The following KLF12 variants were observed in gnomAD, a reference collection of about 807,000 sequenced individuals.
The protein encoded by KLF12 is Krueppel-like factor 12.
KLF12 carries 9 observed loss-of-function variants against 37.8 expected under a neutral mutation model. That is an observed-to-expected ratio of 0.24 (90% CI 0.14 to 0.42). The LOEUF is 0.42. Ranked by LOEUF, KLF12 falls within the 10% of genes least tolerant of loss-of-function variation. KLF12 has a pLI of 1.00. For missense variants in KLF12, 411 were observed against 516.0 expected, an observed-to-expected ratio of 0.80 and a Z score of 1.97; for synonymous variants, 208 against 202.1, an observed-to-expected ratio of 1.03 and a Z score of -0.25.
the KLF12 span, among the ~76,000 whole-genome samples, chr13:74,297,912 G>A: frequency 2.0e-5 from 3 of 152,088 alleles, no homozygotes; most frequent in Admixed American, 6.6e-5. Context: ...AATTCATTGA[G>A]GAAAATGGGA....
At chr13:74,129,174 T>C (rs1193732793) in intron 1 of KLF12, among the ~76,000 whole-genome samples, 1 of 152,216 alleles carries the variant, frequency 6.6e-6, no homozygotes. Flanking sequence ...GTGCACATCC[T>C]CCTACATACT....
Position 74,128,798 on chromosome 13 carries a change from A to C in KLF12, c.-32+4941T>G, listed in dbSNP as rs564597458. On this transcript the variant is annotated intron_variant, in intron 1 of 7. Transcript: ENST00000377669. ...TTCAAAGTGAGCACAGTATTACTAA[A>C]GATAGAATTTTTTTTAAAGACTGTT... Among the ~76,000 whole-genome samples, 50 of 152,288 alleles carry C rather than the reference A, an allele frequency of 3.3e-4. 2 individuals are homozygous for C. In the South Asian group the frequency reaches 0.01, roughly 31 times the overall value.
At chr13:74,048,350 C>A (rs2138580900) in intron 1 of KLF12, among the ~76,000 whole-genome samples, 1 of 152,260 alleles carries the variant, frequency 6.6e-6, no homozygotes, top group South Asian at 2.1e-4. Flanking sequence ...TCTCTCACAG[C>A]TGGGTTTCTG....
intron 3 of KLF12, among the ~76,000 whole-genome samples, chr13:73,867,170 G>A (rs758415478): frequency 1.2e-4 from 18 of 151,856 alleles, no homozygotes; most frequent in African/African-American, 2.4e-4. Flanking sequence ...TTATAGCTTC[G>A]ATTTTTAAGA....
intron 1 of KLF12, among the ~76,000 whole-genome samples, chr13:74,092,296 C>A (rs1253416001): frequency 9.9e-4 from 136 of 136,818 alleles, no homozygotes; most frequent in African/African-American, 1.8e-3. Context: ...GACTCCGTCT[C>A]AAAAAAAAAA....
At chr13:73,983,206 GGCTCAACCA>G (rs2138192348) in intron 2 of KLF12, among the ~76,000 whole-genome samples, 1 of 152,260 alleles carries the variant, frequency 6.6e-6, no homozygotes, top group South Asian at 2.1e-4. Flanking sequence ...CCTGTACTAT[GGCTCAACCA>G]GAACGCCAGG....
At chr13:73,978,520 A>C (rs953800856) in intron 2 of KLF12, among the ~76,000 whole-genome samples, 3 of 152,194 alleles carry the variant, frequency 2.0e-5, no homozygotes, top group Non-Finnish European at 4.4e-5. Flanking sequence ...AAGCAAAATG[A>C]AACAGCCACT....
At chr13:74,181,762 A>G in the KLF12 span, among the ~76,000 whole-genome samples, 1 of 151,426 alleles carries the variant, frequency 6.6e-6, no homozygotes, top group Non-Finnish European at 1.5e-5. Flanking sequence ...AACCCAATGT[A>G]TGAGGACCTT....
chr13:73,914,782 G>C (rs768785330), intron 3 of KLF12, among the ~76,000 whole-genome samples: 1 of 152,082 alleles, frequency 6.6e-6, no homozygotes, highest in East Asian at 1.9e-4. Context: ...ATGGGCAGGG[G>C]AACTATGTGT....
At chr13:73,952,029 G>T (rs1890666136) in intron 2 of KLF12, among the ~76,000 whole-genome samples, 1 of 152,180 alleles carries the variant, frequency 6.6e-6, no homozygotes, top group Non-Finnish European at 1.5e-5. Context: ...TGACAGATGG[G>T]ATGAGCATAG....
At chr13:74,038,454 C>T (rs1893315712) in intron 1 of KLF12, among the ~76,000 whole-genome samples, 1 of 152,144 alleles carries the variant, frequency 6.6e-6, no homozygotes, top group Admixed American at 6.5e-5. Context: ...ACAGCCTGGT[C>T]ATCCACGACA....
intron 7 of KLF12, 77 bp downstream of exon 7, chr13:73,715,290 GA>G: frequency 1.5e-6 from 2 of 1,318,856 alleles, no homozygotes; most frequent in Non-Finnish European, 1.1e-6. Context: ...GAATGAGTAC[GA>G]AAGGCTCCCG....
intron 1 of KLF12, among the ~76,000 whole-genome samples, chr13:74,108,776 A>C (rs181491992): frequency 2.7e-3 from 417 of 152,334 alleles, no homozygotes; most frequent in Non-Finnish European, 4.2e-3. Flanking sequence ...GAATCATCAT[A>C]AAGATCTTCA....
chr13:74,210,994 TC>T, the KLF12 span, among the ~76,000 whole-genome samples: 1 of 152,284 alleles, frequency 6.6e-6, no homozygotes, highest in African/African-American at 2.4e-5. Flanking sequence ...AGTTGCACAG[TC>T]CTGTAGCCCA....
At chr13:74,139,706 A>AT in the KLF12 span, among the ~76,000 whole-genome samples, 1 of 152,132 alleles carries the variant, frequency 6.6e-6, no homozygotes, top group Non-Finnish European at 1.5e-5. Context: ...AAAACATTCA[A>AT]TTTTTTAATA....
the KLF12 span, among the ~76,000 whole-genome samples, chr13:74,279,387 G>A: frequency 6.6e-6 from 1 of 152,040 alleles, no homozygotes; most frequent in Non-Finnish European, 1.5e-5. Context: ...GAAATGTTAT[G>A]TAACTCCCCA....
rs200403478 is a variant in KLF12 at position 73,891,712 on chromosome 13, GTCT to G, written c.124-45342_124-45340del. Among the ~76,000 whole-genome samples, 1,272 of 152,090 alleles carry G rather than the reference GTCT, an allele frequency of 8.4e-3. 18 individuals are homozygous for G. Among genetic ancestry groups the G allele is most frequent in the African/African-American group, 0.029 (1,202 of 41,524 alleles). On this transcript the variant is annotated intron_variant, in intron 3 of 7. Coordinates refer to ENST00000377669, the MANE Select transcript of KLF12 (RefSeq NM_007249.5). ...ATACTGTTTATATACCTCAATTTTT[GTCT>G]TCTTCTAAAGATACAGTTGGTGCTG... is the stretch of plus-strand genomic sequence containing the variant.
At chr13:73,977,394 C>A (rs1440358674) in intron 2 of KLF12, among the ~76,000 whole-genome samples, 1 of 152,068 alleles carries the variant, frequency 6.6e-6, no homozygotes, top group African/African-American at 2.4e-5. Context: ...CAAAAATTAC[C>A]CTTGAACTAC....
intron 5 of KLF12, among the ~76,000 whole-genome samples, chr13:73,771,463 C>A (rs1880266392): frequency 6.6e-6 from 1 of 152,114 alleles, no homozygotes. Context: ...ATATAATAAA[C>A]ATGTAGCATA....
Sources: allele counts gnomAD v4.1 joint callset (sites outside exome capture counted in the v4.1 genomes callset), GRCh38; gene constraint gnomAD v4.1.1; transcripts MANE v1.5; gene names NCBI Gene and HGNC (gene_info 2026-07-23, HGNC 2026-07-21).